Variants in GPRC6A observed in about 807,000 individuals in gnomAD.
GPRC6A encodes G protein-coupled receptor family C group 6 member A.
GPRC6A carries 54 observed loss-of-function variants against 47.0 expected under a neutral mutation model. The observed-to-expected ratio is 1.15, with a 90% CI of 0.92 to 1.44. GPRC6A has a LOEUF of 1.44. Among genes scored for constraint, GPRC6A ranks in the 40% most tolerant of loss-of-function variants. GPRC6A has a pLI of 0.00. For synonymous variants in GPRC6A, 347 were observed against 377.1 expected (o/e 0.92, Z 0.93); for missense variants, 1,112 against 1,105.5 (o/e 1.01, Z -0.08).
intron 1 of GPRC6A, among the ~76,000 whole-genome samples, chr6:116,818,072 G>A (rs1182431206): frequency 2.0e-5 from 3 of 152,120 alleles, no homozygotes; most frequent in Non-Finnish European, 2.9e-5. Context: ...TCCAAGACAT[G>A]TAATTGTCAG....
Position 116,792,758 on chromosome 6 carries a change from CAG to C in GPRC6A, c.2163_2164del (p.Trp722AlafsTer23), listed in dbSNP as rs1341645996. The stretch of plus-strand genomic sequence containing the variant: ...TACAGTAGGTGCTGCAAAGATTAGC[CAG>C]AGTGTGCAAATGACAACCTGGATGC... On this transcript the variant is annotated frameshift_variant, in exon 6 of 6. Transcript: ENST00000310357. LOFTEE classifies it low-confidence loss of function (END_TRUNC). 2.5e-6 allele frequency: 4 copies of C among 1,613,840 alleles called. No homozygotes were observed. In the African/African-American group the frequency reaches 5.3e-5, roughly 22 times the overall value.
At chr6:116,812,026 G>C (rs1474385892) in intron 1 of GPRC6A, among the ~76,000 whole-genome samples, 1 of 152,066 alleles carries the variant, frequency 6.6e-6, no homozygotes, top group African/African-American at 2.4e-5. Context: ...AGGAGGCCCA[G>C]CAATCCCTAA....
intron 1 of GPRC6A, among the ~76,000 whole-genome samples, chr6:116,811,405 A>G (rs907328309): frequency 2.0e-5 from 3 of 152,228 alleles, no homozygotes; most frequent in South Asian, 2.1e-4. Context: ...AGCCAGGAAA[A>G]TGACACTTTT....
In GPRC6A at chr6:116,806,419, A is replaced by G; in HGVS notation, c.1286T>C (p.Leu429Pro). Residue 429 changes from leucine (L) to proline (P), a missense_variant, in exon 3 of 6, where the codon CTG becomes CCG. Leu to Pro is a moderately conservative substitution (Grantham distance 98, BLOSUM62 -3). Transcript: ENST00000310357. ...GTTCTGACAGTCACGAGCTTGACAC[A>G]GATCCCGAATGGCATAACCAAGGGC... ...VFALGYAIRD[L>P]CQARDCQNPN... is the part of the protein sequence containing the mutation. The G allele has an allele frequency of 1.9e-6, 3 of 1,613,324 alleles. No individual in the cohort carries two copies. The highest frequency in any genetic ancestry group is 2.5e-6 in the Non-Finnish European group (3 of 1,179,574).
At chr6:116,795,567 A>G in intron 5 of GPRC6A, 145 bp downstream of exon 5, 1 of 590,912 alleles carries the variant, frequency 1.7e-6, no homozygotes, top group Non-Finnish European at 2.8e-6. Context: ...AGATAAAATG[A>G]AATTTCACTG....
chr6:116,824,922 G>T (rs1773631703), intron 1 of GPRC6A, among the ~76,000 whole-genome samples: 1 of 151,930 alleles, frequency 6.6e-6, no homozygotes, highest in Non-Finnish European at 1.5e-5. Flanking sequence ...ACCATGCAAG[G>T]ATAGTTTAAC....
chr6:116,815,658 A>G (rs550661608), intron 1 of GPRC6A, among the ~76,000 whole-genome samples: 2 of 152,350 alleles, frequency 1.3e-5, no homozygotes, highest in South Asian at 2.1e-4. Flanking sequence ...TAAAAATTAT[A>G]TCAAATATAT....
At chr6:116,820,209 A>G (rs1173061916) in intron 1 of GPRC6A, among the ~76,000 whole-genome samples, 1 of 152,128 alleles carries the variant, frequency 6.6e-6, no homozygotes, top group Non-Finnish European at 1.5e-5. Context: ...AATTGTGGCA[A>G]TAATCAATAG....
Position 116,806,607 on chromosome 6 carries a change from A to G in GPRC6A, c.1098T>C (p.Tyr366=). 6.2e-7 allele frequency: 1 copy of G among 1,613,634 alleles called. No individual in the cohort carries two copies. The highest frequency in any genetic ancestry group is 1.1e-5 in the South Asian group (1 of 91,072). ...EYAMHLSACA[Y]VKDTDLSQCI... ...ATTGACTCAAATCAGTGTCCTTGAC[A>G]TATGCGCAGGCAGATAAATGCATGG... Residue 366 remains tyrosine (Y), a synonymous_variant, in exon 3 of 6, where the codon TAT becomes TAC. Transcript: ENST00000310357.
At chr6:116,815,549 C>T (rs1773177715) in intron 1 of GPRC6A, among the ~76,000 whole-genome samples, 1 of 152,058 alleles carries the variant, frequency 6.6e-6, no homozygotes, top group African/African-American at 2.4e-5. Context: ...ACATTTTGTC[C>T]AACAACTGTA....
At chr6:116,815,756 T>G (rs2114609200) in intron 1 of GPRC6A, among the ~76,000 whole-genome samples, 1 of 152,296 alleles carries the variant, frequency 6.6e-6, no homozygotes, top group Non-Finnish European at 1.5e-5. Flanking sequence ...ACCACATGCT[T>G]CTGAATAACC....
intron 1 of GPRC6A, among the ~76,000 whole-genome samples, chr6:116,820,969 A>C (rs371600103): frequency 1.4e-4 from 21 of 151,910 alleles, no homozygotes; most frequent in African/African-American, 2.2e-4. Context: ...CCCATTGTCT[A>C]AGCCCAAAAT....
At chr6:116,804,999 C>T (rs1772793464) in intron 3 of GPRC6A, among the ~76,000 whole-genome samples, 1 of 151,800 alleles carries the variant, frequency 6.6e-6, no homozygotes, top group Non-Finnish European at 1.5e-5. Context: ...AGGCCAAAAG[C>T]CTTGAAATAT....
chr6:116,809,694 T>A (rs1296928475), intron 1 of GPRC6A, 77 bp from the exon 2 acceptor site: 1 of 961,862 alleles, frequency 1.0e-6, no homozygotes, highest in Admixed American at 2.1e-5. Flanking sequence ...TTTGCCTACA[T>A]CTCCTCATAG....
chr6:116,792,446 A>G lies in GPRC6A; in HGVS notation c.2477T>C (p.Leu826Pro), dbSNP rs752631270. 6.2e-7 allele frequency: 1 copy of G among 1,613,970 alleles called. No homozygotes were observed. Among genetic ancestry groups the G allele is most frequent in the South Asian group, 1.1e-5 (1 of 91,086 alleles). The part of the protein sequence containing the change: ...IVILISNYGI[L>P]YCTFIPKCYV... Reference sequence around the variant, plus strand: ...GCATTTGGGGATGAATGTGCAATACAGGATTCCATAGTTAGATATTAATAT... The same window carrying G: ...GCATTTGGGGATGAATGTGCAATACGGGATTCCATAGTTAGATATTAATAT... Residue 826 changes from leucine to proline, a missense_variant, in exon 6 of 6, where the codon CTG (leucine) becomes CCG (proline). Leu to Pro is a moderately conservative substitution (Grantham distance 98). Coordinates refer to ENST00000310357, the MANE Select transcript of GPRC6A (RefSeq NM_148963.4).
Position 116,806,550 on chromosome 6 carries a change from G to A in GPRC6A, c.1155C>T (p.Ala385=). The A allele has an allele frequency of 6.2e-7, 1 of 1,613,580 alleles. No homozygotes were observed. Among genetic ancestry groups the A allele is most frequent in the Non-Finnish European group, 8.5e-7 (1 of 1,179,774 alleles). ...TTTCTATAGCCTTGTTAGCCTTGTA[G>A]GCCAAAGTCCTTTGAGAATGATTGA... The part of the protein sequence containing the change: ...CIFNHSQRTL[A]YKANKAIERN... Residue 385 remains alanine, a synonymous_variant, in exon 3 of 6, where the codon GCC becomes GCT. Coordinates refer to ENST00000310357, the MANE Select transcript of GPRC6A (RefSeq NM_148963.4).
intron 5 of GPRC6A, 114 bp downstream of exon 5, chr6:116,795,598 A>G (rs1301501163): frequency 6.3e-6 from 5 of 798,938 alleles, no homozygotes; most frequent in Non-Finnish European, 9.3e-6. Flanking sequence ...TCACAGGAGC[A>G]TGGGAAGCTT....
chr6:116,792,693 A>T lies in GPRC6A; in HGVS notation c.2230T>A (p.Cys744Ser). 1 of 1,612,700 alleles carries T rather than the reference A, an allele frequency of 6.2e-7. No homozygotes were observed. The highest frequency in any genetic ancestry group is 8.5e-7 in the Non-Finnish European group (1 of 1,178,942). ...AATGCAAGTATGGATCCCTCCTCAC[A>T]CTCCAGGATGATGACTCTGGGCAAG... ...VSLPRVIILE[C>S]EEGSILAFGT... Residue 744 changes from cysteine (C) to serine (S), a missense_variant, in exon 6 of 6, where the codon TGT becomes AGT. Physicochemically the swap from Cys to Ser is moderately radical, Grantham distance 112 (BLOSUM62 -1). Transcript: ENST00000310357.
intron 1 of GPRC6A, among the ~76,000 whole-genome samples, chr6:116,820,412 G>T (rs373183647): frequency 3.3e-5 from 5 of 151,920 alleles, no homozygotes; most frequent in African/African-American, 1.2e-4. Context: ...CCAAAAAAGA[G>T]AATTTTAGAC....
Sources: allele counts gnomAD v4.1 joint callset (sites outside exome capture counted in the v4.1 genomes callset), GRCh38; gene constraint gnomAD v4.1.1; transcripts MANE v1.5; gene names NCBI Gene and HGNC (gene_info 2026-07-23, HGNC 2026-07-21).